Variants in DDX10 observed in about 807,000 individuals in gnomAD.
DDX10 encodes DEAD-box helicase 10.
DDX10 carries 74 observed loss-of-function variants against 104.3 expected under a neutral mutation model. The ratio of observed to expected loss-of-function variants is 0.71; its 90% CI spans 0.59 to 0.86. DDX10 has a LOEUF of 0.86. Ranked by LOEUF, DDX10 falls within the 40% of genes least tolerant of loss-of-function variation. DDX10 has a pLI of 0.00. For missense variants in DDX10, 952 were observed against 1,040.0 expected, an observed-to-expected ratio of 0.92 and a Z score of 1.16; for synonymous variants, 351 against 353.4, an observed-to-expected ratio of 0.99 and a Z score of 0.08.
intron 1 of DDX10, 104 bp downstream of exon 1, chr11:108,665,443 C>T: frequency 7.4e-7 from 1 of 1,351,170 alleles, no homozygotes; most frequent in South Asian, 1.6e-5. Context: ...GTCACCGGGA[C>T]CCGGCCGGGA....
Position 108,831,506 on chromosome 11 carries a change from C to A in DDX10, c.1966-6940C>A, listed in dbSNP as rs568429485. ...TATAATAGGTAATCTTAAAGATTTT[C>A]TCCAGTGTTGACTCTTCTTTATTTT... On this transcript the variant is annotated intron_variant, in intron 13 of 17. Coordinates refer to ENST00000322536, the MANE Select transcript of DDX10 (RefSeq NM_004398.4). Among the ~76,000 whole-genome samples, 3 of 142,942 alleles carry A rather than the reference C, an allele frequency of 2.1e-5. No individual in the cohort carries two copies. In the South Asian group the frequency reaches 6.8e-4, roughly 32 times the overall value. 93.8% of individuals were successfully genotyped at this position (142,942 alleles called of 152,430 possible).
intron 16 of DDX10, among the ~76,000 whole-genome samples, chr11:108,903,489 T>C (rs1031093852): frequency 1.3e-5 from 2 of 152,114 alleles, no homozygotes; most frequent in African/African-American, 4.8e-5. Context: ...TTGAAAAAAA[T>C]TGCATCTGTA....
In DDX10 at chr11:108,890,333, TGA is replaced by T. The variant is rs542299719; in HGVS notation, c.2305-27531_2305-27530del. Among the ~76,000 whole-genome samples, 123 of 152,312 alleles carry T rather than the reference TGA, an allele frequency of 8.1e-4. 1 individual carries two copies. Among genetic ancestry groups the T allele is most frequent in the Middle Eastern group, 3.4e-3 (1 of 294 alleles). ...ATAAGCTGTAGCTCCCAACCGTAGC[TGA>T]GAGAGAGACTTCTGCTCTCTAGTTA... is the stretch of plus-strand genomic sequence containing the variant. On this transcript the variant is annotated intron_variant, in intron 16 of 17. Coordinates refer to ENST00000322536, the MANE Select transcript of DDX10 (RefSeq NM_004398.4).
intron 13 of DDX10, among the ~76,000 whole-genome samples, chr11:108,751,602 C>T (rs975601129): frequency 4.6e-5 from 7 of 152,152 alleles, no homozygotes; most frequent in Non-Finnish European, 1.0e-4. Flanking sequence ...CATTATCAGA[C>T]TGCCGAAGGG....
intron 13 of DDX10, among the ~76,000 whole-genome samples, chr11:108,751,640 A>G (rs1158395542): frequency 6.6e-6 from 1 of 152,210 alleles, no homozygotes; most frequent in East Asian, 1.9e-4. Flanking sequence ...AGAGGCTGAG[A>G]GTGAAAGAGA....
At chr11:108,716,040 G>T in intron 11 of DDX10, 74 bp downstream of exon 11, 1 of 828,176 alleles carries the variant, frequency 1.2e-6, no homozygotes, top group Non-Finnish European at 2.0e-6. Context: ...GCTACTTCTA[G>T]GTTGCATGTT....
intron 13 of DDX10, among the ~76,000 whole-genome samples, chr11:108,770,819 T>C (rs1447621433): frequency 6.6e-6 from 1 of 151,840 alleles, no homozygotes; most frequent in African/African-American, 2.4e-5. Context: ...ACATTGGGAG[T>C]GCAGATGTCT....
At chr11:108,870,714 A>G (rs1863068789) in intron 16 of DDX10, among the ~76,000 whole-genome samples, 4 of 152,092 alleles carry the variant, frequency 2.6e-5, no homozygotes, top group African/African-American at 7.2e-5. Flanking sequence ...TCTCCATAGT[A>G]CTTCTCTCTA....
intron 10 of DDX10, 88 bp downstream of exon 10, chr11:108,706,925 CCCTAATTTA>C: frequency 9.3e-7 from 1 of 1,076,558 alleles, no homozygotes; most frequent in South Asian, 1.3e-5. Context: ...TTGCCCCTTC[CCCTAATTTA>C]TTCAACTGCC....
intron 6 of DDX10, among the ~76,000 whole-genome samples, chr11:108,684,743 A>G (rs1214440316): frequency 1.4e-5 from 2 of 146,854 alleles, no homozygotes; most frequent in African/African-American, 5.0e-5. Context: ...GTCAAATGGT[A>G]TTTCTAGTTC....
At chr11:108,791,059 A>G (rs1439721418) in intron 13 of DDX10, among the ~76,000 whole-genome samples, 1 of 152,196 alleles carries the variant, frequency 6.6e-6, no homozygotes, top group South Asian at 2.1e-4. Context: ...TCCCTCTACT[A>G]GAATATGGAC....
intron 10 of DDX10, among the ~76,000 whole-genome samples, chr11:108,710,414 C>CT (rs901983447): frequency 3.3e-5 from 5 of 151,876 alleles, no homozygotes; most frequent in Admixed American, 1.3e-4. Context: ...ACTCTACAAG[C>CT]TTTTTTTGGT....
intron 6 of DDX10, among the ~76,000 whole-genome samples, chr11:108,683,257 T>C (rs2094238055): frequency 6.6e-6 from 1 of 152,214 alleles, no homozygotes; most frequent in Non-Finnish European, 1.5e-5. Context: ...TTTGCTTGTT[T>C]TTCCTCATTT....
At chr11:108,872,282 G>A (rs1029168149) in intron 16 of DDX10, among the ~76,000 whole-genome samples, 7 of 152,114 alleles carry the variant, frequency 4.6e-5, no homozygotes, top group African/African-American at 7.2e-5. Flanking sequence ...CCATTAAGTC[G>A]TTATTTGCAT....
chr11:108,703,810 G>A (rs2094272011), intron 9 of DDX10, among the ~76,000 whole-genome samples: 1 of 152,116 alleles, frequency 6.6e-6, no homozygotes, highest in Non-Finnish European at 1.5e-5. Flanking sequence ...TAGAATAAAA[G>A]CTTACTGGGG....
chr11:108,873,768 C>T (rs1236687621), intron 16 of DDX10, among the ~76,000 whole-genome samples: 3 of 152,116 alleles, frequency 2.0e-5, no homozygotes, highest in Admixed American at 1.3e-4. Context: ...CCAGAACATC[C>T]CTCAAATGTT....
intron 13 of DDX10, among the ~76,000 whole-genome samples, chr11:108,805,246 ATC>A (rs2134562289): frequency 6.6e-6 from 1 of 152,378 alleles, no homozygotes; most frequent in South Asian, 2.1e-4. Flanking sequence ...AATGAGGTCT[ATC>A]TCATGAGACT....
At chr11:108,747,576 C>T (rs937009625) in intron 13 of DDX10, among the ~76,000 whole-genome samples, 1 of 152,040 alleles carries the variant, frequency 6.6e-6, no homozygotes, top group Non-Finnish European at 1.5e-5. Context: ...ATGGCTTCTC[C>T]CTTGACAGTC....
chr11:108,923,272 A>G (rs1332257865), intron 17 of DDX10, among the ~76,000 whole-genome samples: 1 of 152,192 alleles, frequency 6.6e-6, no homozygotes, highest in Admixed American at 6.5e-5. Flanking sequence ...TAAGTTTTGA[A>G]AGAGTTTTGT....
Sources: allele counts gnomAD v4.1 joint callset (sites outside exome capture counted in the v4.1 genomes callset), GRCh38; gene constraint gnomAD v4.1.1; transcripts MANE v1.5; gene names NCBI Gene and HGNC (gene_info 2026-07-23, HGNC 2026-07-21).